FTO: variants seen among roughly 807,000 people sequenced by gnomAD.
FTO encodes the protein FTO alpha-ketoglutarate dependent dioxygenase.
In FTO, 47 loss-of-function variants were observed where a neutral mutation model predicts 63.9. The observed-to-expected ratio is 0.74, with a 90% CI of 0.58 to 0.94. The LOEUF (loss-of-function observed/expected upper bound fraction) is 0.94, where lower values mean the gene tolerates loss of function less well. Ranked by LOEUF, FTO falls within the 40% of genes least tolerant of loss-of-function variation. The probability of loss-of-function intolerance (pLI) is 0.00; values close to 1 mark genes in which losing one functional copy is unlikely to be tolerated. For synonymous variants in FTO, 207 were observed against 224.4 expected (o/e 0.92, Z 0.69); for missense variants, 562 against 618.1 (o/e 0.91, Z 0.96).
intron 8 of FTO, among the ~76,000 whole-genome samples, chr16:54,081,996 C>G (rs2086158313): frequency 6.6e-6 from 1 of 152,184 alleles, no homozygotes; most frequent in Non-Finnish European, 1.5e-5. Context: ...CCTGATTTTC[C>G]TCAGCATCTA....
intron 8 of FTO, among the ~76,000 whole-genome samples, chr16:54,062,638 A>G (rs1384105086): frequency 2.0e-5 from 3 of 152,214 alleles, no homozygotes; most frequent in Non-Finnish European, 4.4e-5. Flanking sequence ...GAACCAGGCT[A>G]GGACCAGAGA....
intron 8 of FTO, among the ~76,000 whole-genome samples, chr16:53,939,850 T>C (rs1362233380): frequency 2.0e-5 from 3 of 152,244 alleles, no homozygotes; most frequent in African/African-American, 7.2e-5. Context: ...ACATTTTATT[T>C]ATCCAGTAAT....
intron 4 of FTO, among the ~76,000 whole-genome samples, chr16:53,870,864 T>G (rs1375957215): frequency 6.6e-6 from 1 of 152,232 alleles, no homozygotes; most frequent in African/African-American, 2.4e-5. Flanking sequence ...GTAAATCTAC[T>G]GAATATAAAT....
intron 1 of FTO, among the ~76,000 whole-genome samples, chr16:53,796,156 T>A (rs550856223): frequency 6.6e-6 from 1 of 151,660 alleles, no homozygotes; most frequent in South Asian, 2.1e-4. Context: ...GTGATTCTCC[T>A]GCCTCAGCCT....
At position 53,738,316 on chromosome 16, in the gene FTO, A is replaced by G. The variant is rs143282338; in HGVS notation, c.45+34087A>G. On this transcript the variant is annotated intron_variant, in intron 1 of 8. Transcript: ENST00000471389. Reference sequence around the variant, plus strand: ...GGATTACAGACATGAATTTCTTTTAACTTTTTATAGAGATGAGGTCTGGCT... The same window carrying G: ...GGATTACAGACATGAATTTCTTTTAGCTTTTTATAGAGATGAGGTCTGGCT... Among the ~76,000 whole-genome samples, 4 of 152,028 alleles carry G rather than the reference A, an allele frequency of 2.6e-5. No homozygotes were observed. The East Asian group carries it at 7.7e-4, about 29-fold the overall frequency.
intron 3 of FTO, among the ~76,000 whole-genome samples, chr16:53,830,074 A>G (rs372763122): frequency 3.9e-5 from 6 of 152,300 alleles, no homozygotes; most frequent in African/African-American, 1.2e-4. Context: ...TTCCCAGGGA[A>G]ATCTTCTTGT....
chr16:53,732,744 G>C (rs998741244), intron 1 of FTO, among the ~76,000 whole-genome samples: 5 of 152,210 alleles, frequency 3.3e-5, no homozygotes, highest in Non-Finnish European at 7.3e-5. Context: ...AAGGAGGGGG[G>C]TGGTGGAAAG....
chr16:53,853,260 G>A (rs1306008716), intron 4 of FTO, among the ~76,000 whole-genome samples: 1 of 152,060 alleles, frequency 6.6e-6, no homozygotes. Context: ...AGCCAAGATC[G>A]CACCATTGCA....
chr16:53,715,011 C>T (rs2075861136), intron 1 of FTO, among the ~76,000 whole-genome samples: 1 of 152,154 alleles, frequency 6.6e-6, no homozygotes, highest in Non-Finnish European at 1.5e-5. Context: ...AGCGGTGCCT[C>T]ATATTGATCA....
At chr16:53,908,691 T>C (rs911870538) in intron 7 of FTO, among the ~76,000 whole-genome samples, 2 of 152,204 alleles carry the variant, frequency 1.3e-5, no homozygotes, top group Non-Finnish European at 2.9e-5. Flanking sequence ...GAATTGTCAT[T>C]GAGATGCCAC....
intron 8 of FTO, chr16:53,984,839 C>G: frequency 2.3e-6 from 1 of 429,616 alleles, no homozygotes; most frequent in Non-Finnish European, 4.6e-6. Context: ...AATATTGATT[C>G]TTTTGGTGTC....
intron 8 of FTO, among the ~76,000 whole-genome samples, chr16:54,050,273 G>C (rs1027953346): frequency 4.0e-4 from 61 of 152,168 alleles, no homozygotes; most frequent in African/African-American, 1.4e-3. Flanking sequence ...CAGTGGATCT[G>C]AGAATATGAA....
intron 8 of FTO, among the ~76,000 whole-genome samples, chr16:53,939,508 T>C (rs528614716): frequency 7.9e-5 from 12 of 152,302 alleles, no homozygotes; most frequent in African/African-American, 2.6e-4. Context: ...TACAGTTAAG[T>C]GATTTTTTAG....
intron 8 of FTO, among the ~76,000 whole-genome samples, chr16:54,065,098 C>CATTTTATTTT (rs36221204): frequency 0.24 from 29,063 of 122,102 alleles, 4,278 homozygotes; most frequent in Admixed American, 0.3. Context: ...GTTAGCATAA[C>CATTTTATTTT]ATTTTATTTT....
intron 7 of FTO, among the ~76,000 whole-genome samples, chr16:53,914,572 A>G (rs1474048173): frequency 6.8e-6 from 1 of 147,392 alleles, no homozygotes; most frequent in Admixed American, 6.7e-5. Flanking sequence ...CAAGAGGAGG[A>G]CAGATTGGGA....
At chr16:54,098,791 C>G (rs1040902306) in intron 8 of FTO, among the ~76,000 whole-genome samples, 51 of 152,314 alleles carry the variant, frequency 3.3e-4, no homozygotes, top group African/African-American at 1.2e-3. Context: ...GTATTCGTTA[C>G]TTACATGACT....
intron 8 of FTO, among the ~76,000 whole-genome samples, chr16:54,008,855 AT>A (rs1333647061): frequency 3.0e-4 from 32 of 105,904 alleles, no homozygotes; most frequent in South Asian, 3.3e-4. Flanking sequence ...AATAATAATA[AT>A]AATAAATTAG....
intron 6 of FTO, among the ~76,000 whole-genome samples, chr16:53,885,498 G>A (rs1304534208): frequency 3.3e-5 from 5 of 152,152 alleles, no homozygotes; most frequent in African/African-American, 1.2e-4. Context: ...GCTGTTGAAC[G>A]TTTCTGACTG....
At chr16:54,016,568 T>C (rs1990686) in intron 8 of FTO, among the ~76,000 whole-genome samples, 79,727 of 152,076 alleles carry the variant, frequency 0.52, 23,415 homozygotes, top group African/African-American at 0.79. Context: ...GCACAAGTTG[T>C]TTAATGTTCT....
Sources: allele counts gnomAD v4.1 joint callset (sites outside exome capture counted in the v4.1 genomes callset), GRCh38; gene constraint gnomAD v4.1.1; transcripts MANE v1.5; gene names NCBI Gene and HGNC (gene_info 2026-07-23, HGNC 2026-07-21).